Variants in MSANTD2 observed in about 807,000 individuals in gnomAD.
MSANTD2 encodes the protein Myb/SANT DNA binding domain containing 2.
In MSANTD2, 19 loss-of-function variants were observed where a neutral mutation model predicts 52.6. The observed-to-expected ratio is 0.36, with a 90% CI of 0.25 to 0.53. The LOEUF (loss-of-function observed/expected upper bound fraction) is 0.53. MSANTD2 is among the 20% of genes least tolerant of loss of function. The pLI, the probability that MSANTD2 is intolerant of heterozygous loss-of-function variation, is 0.91. For missense variants in MSANTD2, 558 were observed against 716.3 expected, an observed-to-expected ratio of 0.78 and a Z score of 2.52; for synonymous variants, 291 against 289.7, an observed-to-expected ratio of 1.00 and a Z score of -0.04.
chr11:124,775,106 T>G, intron 1 of MSANTD2, 132 bp from the exon 2 acceptor site: 2 of 721,858 alleles, frequency 2.8e-6, no homozygotes, highest in Non-Finnish European at 4.3e-6. Context: ...AATGCTAGAT[T>G]TCAAATTCAT....
intron 3 of MSANTD2, among the ~76,000 whole-genome samples, chr11:124,769,153 C>G (rs1296039807): frequency 1.3e-5 from 2 of 152,196 alleles, no homozygotes; most frequent in African/African-American, 2.4e-5. Context: ...CTGCTACGTT[C>G]TCATACCTTC....
chr11:124,786,687 CCTT>C (rs938696697), intron 1 of MSANTD2, among the ~76,000 whole-genome samples: 28 of 152,302 alleles, frequency 1.8e-4, no homozygotes, highest in African/African-American at 6.7e-4. Context: ...TTCCAAATCT[CCTT>C]GTGTTTCTAA....
chr11:124,769,228 G>A (rs991620702), intron 3 of MSANTD2, among the ~76,000 whole-genome samples: 3 of 152,128 alleles, frequency 2.0e-5, no homozygotes, highest in East Asian at 1.9e-4. Flanking sequence ...CTGTCCTCTC[G>A]CTCTCCTTGA....
At chr11:124,794,808 A>T (rs1945441686) in intron 1 of MSANTD2, among the ~76,000 whole-genome samples, 1 of 152,190 alleles carries the variant, frequency 6.6e-6, no homozygotes, top group Non-Finnish European at 1.5e-5. Context: ...TTACTGATGA[A>T]TAAATCTAAG....
Position 124,799,917 on chromosome 11 carries a change from T to C in MSANTD2, c.464A>G (p.Glu155Gly). 2 of 1,585,400 alleles carry C rather than the reference T, an allele frequency of 1.3e-6. No individual in the cohort carries two copies. Among genetic ancestry groups the C allele is most frequent in the South Asian group, 2.2e-5 (2 of 89,080 alleles). The change falls in exon 1 of 4, where the codon GAG becomes GGG. Residue 155 changes from glutamate (E) to glycine (G), a missense_variant. This residue lies in a region of MSANTD2 where 408 missense variants were observed against 573.6 expected (regional missense o/e 0.71). Coordinates refer to ENST00000374979, the MANE Select transcript of MSANTD2 (RefSeq NM_001308027.2). Reference protein sequence around the residue: ...MYERVSRALAELGYERTPSQC... With the variant: ...MYERVSRALAGLGYERTPSQC... ...GGACGGGGTCCGCTCGTAGCCCAGC[T>C]CGGCCAGGGCCCGGGACACGCGCTC...
chr11:124,772,713 G>GACA lies in MSANTD2; in HGVS notation c.827+280_827+281insTGT, dbSNP rs1944572709. 4.2e-5 allele frequency among the ~76,000 whole-genome samples: 6 copies of GACA among 142,438 alleles called. No individual in the cohort carries two copies. In the East Asian group the frequency reaches 1.2e-3, roughly 29 times the overall value. 93.4% of individuals were successfully genotyped at this position (142,438 alleles called of 152,430 possible). ...GATTGCACCACTGCACACCAGCCTG[G>GACA]GTGACAGAGCGAGAGCGAGATTCCG... is the stretch of plus-strand genomic sequence containing the variant. On this transcript the variant is annotated intron_variant, in intron 3 of 3. Coordinates refer to ENST00000374979, the MANE Select transcript of MSANTD2 (RefSeq NM_001308027.2).
intron 1 of MSANTD2, among the ~76,000 whole-genome samples, chr11:124,793,787 T>C (rs1341968229): frequency 2.2e-5 from 3 of 138,136 alleles, no homozygotes; most frequent in African/African-American, 8.4e-5. Flanking sequence ...CCTCCTGGAA[T>C]GGCAGGCCAT....
intron 1 of MSANTD2, among the ~76,000 whole-genome samples, chr11:124,798,079 C>T (rs1277434974): frequency 6.6e-6 from 1 of 151,928 alleles, no homozygotes; most frequent in African/African-American, 2.4e-5. Flanking sequence ...TGGATAGACG[C>T]TAGCCAAGAC....
intron 1 of MSANTD2, among the ~76,000 whole-genome samples, chr11:124,788,199 C>G (rs1420316342): frequency 6.6e-6 from 1 of 152,060 alleles, no homozygotes; most frequent in African/African-American, 2.4e-5. Flanking sequence ...TCCTAACTAC[C>G]CATGCAGAGT....
Position 124,800,084 on chromosome 11 carries a change from G to T in MSANTD2, c.297C>A (p.Cys99Ter). The T allele has an allele frequency of 6.7e-7, 1 of 1,493,808 alleles. No homozygotes were observed. The highest frequency in any genetic ancestry group is 8.8e-7 in the Non-Finnish European group (1 of 1,131,704). The allele number at this position is 1,493,808 out of a possible 1,614,324, so 92.5% of individuals were successfully genotyped here. A position where few individuals can be genotyped will look rare whatever the true frequency, so the allele number is the denominator to read the frequency against. Residue 99 changes from cysteine to a stop codon, truncating the protein, a stop_gained, in exon 1 of 4, where the codon TGC becomes TGA. Coordinates refer to ENST00000374979, the MANE Select transcript of MSANTD2 (RefSeq NM_001308027.2). LOFTEE classifies it high-confidence loss of function. This position sits in a 1 kb window ranked among gnomAD's most constrained non-coding sequence, Gnocchi z 4.3. ...CGGCTGGCGTCCACGACATGCCCCG[G>T]CAGGCGGCGGCGGCGGCTGCCGCAG... ...GGAAAAAAAA[C>*]RGMSWTPAET...
intron 1 of MSANTD2, among the ~76,000 whole-genome samples, chr11:124,786,688 C>T (rs1057440512): frequency 2.0e-5 from 3 of 152,108 alleles, no homozygotes; most frequent in Non-Finnish European, 2.9e-5. Context: ...TCCAAATCTC[C>T]TTGTGTTTCT....
At chr11:124,783,625 A>G in intron 1 of MSANTD2, 1 of 710,966 alleles carries the variant, frequency 1.4e-6, no homozygotes, top group Non-Finnish European at 1.7e-6. Flanking sequence ...GTCTCAAAAA[A>G]TAAAAATAAA....
chr11:124,795,035 CGCCCG>C (rs1393247212), intron 1 of MSANTD2, among the ~76,000 whole-genome samples: 3 of 152,098 alleles, frequency 2.0e-5, no homozygotes, highest in Non-Finnish European at 4.4e-5. Flanking sequence ...TGTGCCACCA[CGCCCG>C]GCTAATTTTT....
intron 3 of MSANTD2, among the ~76,000 whole-genome samples, chr11:124,769,126 G>C (rs1344635153): frequency 6.6e-6 from 1 of 152,216 alleles, no homozygotes; most frequent in East Asian, 1.9e-4. Flanking sequence ...GAAGGAGCTT[G>C]ATCCTTGAGA....
intron 3 of MSANTD2, among the ~76,000 whole-genome samples, chr11:124,771,243 T>C (rs1944509691): frequency 6.6e-6 from 1 of 152,212 alleles, no homozygotes; most frequent in Non-Finnish European, 1.5e-5. Flanking sequence ...AAAAGACAAC[T>C]ACTTCCCAAT....
chr11:124,778,591 C>T (rs7937766), intron 1 of MSANTD2, among the ~76,000 whole-genome samples: 20,767 of 152,026 alleles, frequency 0.14, 1,504 homozygotes, highest in East Asian at 0.16. Context: ...GATCGGTGGT[C>T]AACCCAGAGG....
At chr11:124,784,534 C>T (rs1486700529) in intron 1 of MSANTD2, 2 of 984,604 alleles carry the variant, frequency 2.0e-6, no homozygotes, top group Non-Finnish European at 1.2e-6. Context: ...ATTACAACAT[C>T]GTATTGCTTC....
At chr11:124,776,097 C>T (rs1018432910) in intron 1 of MSANTD2, 2 of 152,218 alleles carry the variant, frequency 1.3e-5, no homozygotes, top group Non-Finnish European at 2.9e-5. Flanking sequence ...GAAATAAGAT[C>T]TCTTTTCCCT....
At chr11:124,796,330 C>T (rs1188885347) in intron 1 of MSANTD2, among the ~76,000 whole-genome samples, 1 of 152,268 alleles carries the variant, frequency 6.6e-6, no homozygotes, top group East Asian at 1.9e-4. Context: ...GGCTGCTAAT[C>T]AGAAATTATC....
Sources: allele counts gnomAD v4.1 joint callset (sites outside exome capture counted in the v4.1 genomes callset), GRCh38; gene constraint gnomAD v4.1.1; regional missense constraint gnomAD v4.1.1; non-coding constraint Gnocchi (gnomAD v3.1); transcripts MANE v1.5; gene names NCBI Gene and HGNC (gene_info 2026-07-23, HGNC 2026-07-21).